TJP1: variants seen among roughly 807,000 people sequenced by gnomAD.
The protein encoded by TJP1 is tight junction protein ZO-1.
Under a neutral mutation model 194.2 loss-of-function variants are expected in TJP1, and 43 were observed. The observed-to-expected ratio is 0.22, with a 90% CI of 0.17 to 0.29. The LOEUF (loss-of-function observed/expected upper bound fraction) is 0.29, where lower values mean the gene tolerates loss of function less well. Among genes scored for constraint, TJP1 ranks in the 10% least tolerant of loss-of-function variants. The pLI is 1.00. For missense variants in TJP1, 1,971 were observed against 2,185.7 expected (o/e 0.90, Z 1.96); for synonymous variants, 801 against 779.0 (o/e 1.03, Z -0.47).
At chr15:29,858,584 A>G (rs2051952385) in intron 2 of TJP1, among the ~76,000 whole-genome samples, 1 of 152,044 alleles carries the variant, frequency 6.6e-6, no homozygotes, top group East Asian at 1.9e-4. Context: ...CACTCTGTCA[A>G]TCAGGCTGGA....
intron 18 of TJP1, among the ~76,000 whole-genome samples, chr15:29,725,723 C>T (rs769021654): frequency 6.6e-5 from 10 of 152,090 alleles, no homozygotes; most frequent in Non-Finnish European, 1.0e-4. Context: ...GCCATTTGGA[C>T]GTATAGAAAA....
At chr15:29,849,701 C>T (rs981725921) in intron 2 of TJP1, among the ~76,000 whole-genome samples, 1 of 149,320 alleles carries the variant, frequency 6.7e-6, no homozygotes, top group East Asian at 2.0e-4. Flanking sequence ...GAGCTGAGAT[C>T]GTGCCACTGT....
intron 2 of TJP1, among the ~76,000 whole-genome samples, chr15:29,952,077 T>C (rs562097308): frequency 1.8e-4 from 27 of 152,322 alleles, no homozygotes; most frequent in Middle Eastern, 3.4e-3. Flanking sequence ...GTAAACATCA[T>C]TCACTAAATC....
intron 1 of TJP1, among the ~76,000 whole-genome samples, chr15:29,963,260 G>A (rs1045964965): frequency 2.0e-5 from 3 of 152,066 alleles, no homozygotes; most frequent in Admixed American, 1.3e-4. Context: ...ACCTTCTATC[G>A]GGCAATTACC....
Position 29,732,459 on chromosome 15 carries a change from T to C in TJP1, c.1991A>G (p.Glu664Gly). 6.2e-7 allele frequency: 1 copy of C among 1,613,830 alleles called. No homozygotes were observed. ...ADVAREKLAR[E>G]EPDIYQIAKS... The stretch of plus-strand genomic sequence containing the variant: ...TGCAATTTGATAAATATCTGGTTCT[T>C]CTCTTGCCAGCTTTTCTCTGGCAAC... Residue 664 changes from glutamate to glycine, a missense_variant, in exon 15 of 28, where the codon GAA becomes GGA. Coordinates refer to ENST00000614355, the MANE Select transcript of TJP1 (RefSeq NM_001330239.4).
chr15:29,915,723 C>A (rs2152236566), intron 2 of TJP1, among the ~76,000 whole-genome samples: 1 of 152,244 alleles, frequency 6.6e-6, no homozygotes, highest in Non-Finnish European at 1.5e-5. Flanking sequence ...CAATTATATT[C>A]CAGTTGCAAA....
intron 2 of TJP1, among the ~76,000 whole-genome samples, chr15:29,874,441 G>A (rs997096103): frequency 5.3e-5 from 8 of 152,104 alleles, no homozygotes; most frequent in Non-Finnish European, 1.0e-4. Context: ...GACATGATTG[G>A]GGCTGGCATC....
intron 2 of TJP1, among the ~76,000 whole-genome samples, chr15:29,796,539 A>G (rs1274346838): frequency 6.6e-6 from 1 of 152,200 alleles, no homozygotes; most frequent in East Asian, 1.9e-4. Flanking sequence ...AGGAGATAAC[A>G]TTATATTCAT....
rs114435174 is a variant in TJP1, at chr15:29,742,954, A to C, written c.1011-173T>G. On this transcript the variant is annotated intron_variant, in intron 8 of 27. Coordinates refer to ENST00000614355, the MANE Select transcript of TJP1 (RefSeq NM_001330239.4). ...TTAAAAATAGAGCATTACCACAGAA[A>C]AACCAAATAGATTCATGTAATAAAA... 2.5e-3 allele frequency: 1,184 copies of C among 467,250 alleles called. 12 individuals carry two copies. The highest frequency in any genetic ancestry group is 0.021 in the African/African-American group (1,060 of 49,960). 28.9% of individuals were successfully genotyped at this position (467,250 alleles called of 1,614,324 possible).
At chr15:29,968,752 G>C in exon 1 of TJP1, 1 of 1,230,926 alleles carries the variant, frequency 8.1e-7, no homozygotes. Context: ...AGGTATTTCT[G>C]GTACTTCATC....
At chr15:29,709,204 A>G (rs2042091626) in intron 24 of TJP1, among the ~76,000 whole-genome samples, 168 bp from the exon 25 acceptor site, 1 of 152,162 alleles carries the variant, frequency 6.6e-6, no homozygotes. Flanking sequence ...GGATGAGGGC[A>G]GCATGGACAG....
rs1424563464 is a variant in TJP1, at chr15:29,761,170, T to G, written c.979A>C (p.Arg327=). The part of the protein sequence containing the change: ...DQRSEPSDHS[R]HSPQQPSNGS... ...TTGCTTGGCTGCTGCGGCGAGTGCC[T>G]GGAATGATCAGAAGGCTCTGACCGC... is the stretch of plus-strand genomic sequence containing the variant. Residue 327 remains arginine (R), a synonymous_variant, in exon 8 of 28, where the codon AGG becomes CGG. Transcript: ENST00000614355. 7.4e-6 allele frequency: 12 copies of G among 1,612,580 alleles called. No individual in the cohort carries two copies. The highest frequency in any genetic ancestry group is 1.7e-5 in the Admixed American group (1 of 59,630).
rs2055424076 is a variant in TJP1, at chr15:29,949,248, C to A, written c.306+6984G>T. The stretch of plus-strand genomic sequence containing the variant: ...TTCACCACCACTACCTCCACCTTCA[C>A]CACCACCTCCACCACCACCACCTCC... On this transcript the variant is annotated intron_variant, in intron 2 of 28. Coordinates refer to the TJP1 transcript ENST00000356107. 3.5e-5 allele frequency among the ~76,000 whole-genome samples: 3 copies of A among 84,940 alleles called. No individual in the cohort carries two copies. In the South Asian group the frequency reaches 1.2e-3, roughly 33 times the overall value. The allele number at this position is 84,940 out of a possible 152,430, so 55.7% of individuals were successfully genotyped here.
chr15:29,730,151 A>G (rs2043527461), intron 15 of TJP1, among the ~76,000 whole-genome samples: 1 of 152,216 alleles, frequency 6.6e-6, no homozygotes, highest in African/African-American at 2.4e-5. Flanking sequence ...AGTATAAATA[A>G]AACTTTGCCA....
chr15:29,829,088 G>A (rs568839767), intron 2 of TJP1, among the ~76,000 whole-genome samples: 1 of 152,266 alleles, frequency 6.6e-6, no homozygotes, highest in South Asian at 2.1e-4. Flanking sequence ...GGCTCTATGT[G>A]TGTGTGTTAA....
Position 29,718,906 on chromosome 15 carries a change from C to A in TJP1, c.3236G>T (p.Arg1079Leu), listed in dbSNP as rs372272000. 3 of 1,614,144 alleles carry A rather than the reference C, an allele frequency of 1.9e-6. No homozygotes were observed. Among genetic ancestry groups the A allele is most frequent in the Non-Finnish European group, 2.5e-6 (3 of 1,180,034 alleles). Residue 1079 changes from arginine (R) to leucine (L), a missense_variant, in exon 21 of 28, where the codon CGA becomes CTA. Arg to Leu is a moderately radical substitution (Grantham distance 102). This residue lies in a region of TJP1 where 1,108 missense variants were observed against 1,128.5 expected (regional missense o/e 0.98). Coordinates refer to ENST00000614355, the MANE Select transcript of TJP1 (RefSeq NM_001330239.4). ...QFSRNYEHRL[R>L]YEDRVPMYEE... ...ATACATGGGGACGCGATCTTCGTAT[C>A]GCAGACGATGTTCATAGTTTCGAGA...
rs866701332 is a variant in TJP1 at position 29,858,206 on chromosome 15, A to G, written c.307-57504T>C. Among the ~76,000 whole-genome samples, 6 of 152,190 alleles carry G rather than the reference A, an allele frequency of 3.9e-5. No homozygotes were observed. The East Asian group carries it at 1.2e-3, about 30-fold the overall frequency. On this transcript the variant is annotated intron_variant, in intron 2 of 28. Transcript: ENST00000356107. ...CCTTGAGCTCATGAGTTCGAGACCA[A>G]CCTGGGCAACATGTCGAAACTTCGT...
In TJP1 at chr15:29,734,254, A is replaced by T; in HGVS notation, c.1516+20T>A. 1 of 1,549,392 alleles carries T rather than the reference A, an allele frequency of 6.5e-7. No individual in the cohort carries two copies. The highest frequency in any genetic ancestry group is 2.3e-5 in the East Asian group (1 of 43,826). ...CAAACTCTACAGGTTTATCTCCTCCATTTTCTGACAGCATCTCACCATCCT... is the reference window on the plus strand; with the variant it reads ...CAAACTCTACAGGTTTATCTCCTCCTTTTTCTGACAGCATCTCACCATCCT... On this transcript the variant is annotated intron_variant, in intron 12 of 27. Coordinates refer to ENST00000614355, the MANE Select transcript of TJP1 (RefSeq NM_001330239.4).
intron 2 of TJP1, among the ~76,000 whole-genome samples, chr15:29,909,899 G>C (rs529628135): frequency 6.6e-6 from 1 of 152,260 alleles, no homozygotes; most frequent in East Asian, 1.9e-4. Context: ...TGGAGGCAGA[G>C]GTGGGAAACC....
Sources: gnomAD v4.1 joint callset for allele counts (sites outside exome capture counted in the v4.1 genomes callset) on GRCh38, gnomAD v4.1.1 for gene constraint, gnomAD v4.1.1 regional missense constraint, MANE v1.5 for transcripts, NCBI Gene and HGNC (gene_info 2026-07-23, HGNC 2026-07-21) for gene names.